ARL15: variants seen among roughly 807,000 people sequenced by gnomAD.
The protein encoded by ARL15 is ARF like GTPase 15, also known as ADP-ribosylation factor-like protein 15.
In ARL15, 19 loss-of-function variants were observed where a neutral mutation model predicts 25.2. That is an observed-to-expected ratio of 0.75 (90% CI 0.53 to 1.10). The LOEUF (loss-of-function observed/expected upper bound fraction) is 1.10, where lower values mean the gene tolerates loss of function less well. Ranked by LOEUF, ARL15 falls within the 50% of genes least tolerant of loss-of-function variation. The probability of loss-of-function intolerance (pLI) is 0.00; values close to 1 mark genes in which losing one functional copy is unlikely to be tolerated. For missense variants in ARL15, 220 were observed against 246.0 expected, an observed-to-expected ratio of 0.89 and a Z score of 0.71; for synonymous variants, 94 against 86.8, an observed-to-expected ratio of 1.08 and a Z score of -0.46.
chr5:54,185,622 G>A (rs541499415), intron 1 of ARL15, among the ~76,000 whole-genome samples: 1 of 152,198 alleles, frequency 6.6e-6, no homozygotes, highest in South Asian at 2.1e-4. Context: ...CAAACCCTAT[G>A]GCAATCAGGA....
intron 4 of ARL15, among the ~76,000 whole-genome samples, chr5:53,927,101 C>T (rs886496814): frequency 6.6e-6 from 1 of 152,168 alleles, no homozygotes; most frequent in African/African-American, 2.4e-5. Context: ...AGTACACTCA[C>T]ATTGTTGTGC....
chr5:54,198,992 A>G (rs936858093), intron 1 of ARL15, among the ~76,000 whole-genome samples: 2 of 151,704 alleles, frequency 1.3e-5, no homozygotes, highest in Non-Finnish European at 2.9e-5. Flanking sequence ...AAATAATGCC[A>G]CATATCTACA....
At chr5:53,997,235 A>G (rs1434277489) in intron 4 of ARL15, among the ~76,000 whole-genome samples, 1 of 152,154 alleles carries the variant, frequency 6.6e-6, no homozygotes, top group African/African-American at 2.4e-5. Context: ...TCCTGAGCTC[A>G]GAAGAGTTCC....
chr5:54,266,698 T>G (rs1425603845), intron 1 of ARL15, among the ~76,000 whole-genome samples: 1 of 152,162 alleles, frequency 6.6e-6, no homozygotes, highest in African/African-American at 2.4e-5. Context: ...AGTCAATTAA[T>G]CTAAAGAACA....
chr5:54,309,775 CAA>C (rs1468244600), intron 1 of ARL15, among the ~76,000 whole-genome samples: 1 of 152,202 alleles, frequency 6.6e-6, no homozygotes, highest in East Asian at 1.9e-4. Flanking sequence ...CTTCTCAGCA[CAA>C]GCCTGGCCTA....
intron 3 of ARL15, among the ~76,000 whole-genome samples, chr5:54,124,132 A>AT: frequency 6.6e-6 from 1 of 152,314 alleles, no homozygotes; most frequent in East Asian, 1.9e-4. Flanking sequence ...AGGACAGAGA[A>AT]TAGGCTACAT....
At chr5:54,068,207 G>C (rs756613498) in intron 4 of ARL15, among the ~76,000 whole-genome samples, 1 of 152,202 alleles carries the variant, frequency 6.6e-6, no homozygotes, top group Non-Finnish European at 1.5e-5. Flanking sequence ...TAGAGAAAAT[G>C]AGAGTGAAGG....
At chr5:53,894,845 G>A (rs150121792) in intron 4 of ARL15, among the ~76,000 whole-genome samples, 80 of 152,236 alleles carry the variant, frequency 5.3e-4, no homozygotes, top group African/African-American at 1.7e-3. Flanking sequence ...CAAGGGGATC[G>A]CTTATGATAT....
chr5:54,005,883 C>A (rs55754696), intron 4 of ARL15, among the ~76,000 whole-genome samples: 220 of 146,388 alleles, frequency 1.5e-3, no homozygotes, highest in East Asian at 7.5e-3. Context: ...ACCAAAAAAA[C>A]CCAAAAATAG....
intron 2 of ARL15, among the ~76,000 whole-genome samples, chr5:54,167,699 A>C (rs1754613770): frequency 1.3e-5 from 2 of 152,148 alleles, no homozygotes; most frequent in South Asian, 4.2e-4. Context: ...TAGCATGCTC[A>C]AGAGACCTTT....
chr5:54,093,392 T>G (rs1339107219), intron 4 of ARL15, among the ~76,000 whole-genome samples: 1 of 152,036 alleles, frequency 6.6e-6, no homozygotes, highest in Non-Finnish European at 1.5e-5. Flanking sequence ...CGAGAAAACT[T>G]GGGCAGCATT....
intron 2 of ARL15, among the ~76,000 whole-genome samples, chr5:54,166,807 A>T (rs1215232228): frequency 1.3e-5 from 2 of 152,126 alleles, no homozygotes; most frequent in African/African-American, 2.4e-5. Context: ...GTCAGTTCCA[A>T]TTCGATGATT....
At chr5:54,103,835 AG>A (rs755474591) in intron 4 of ARL15, among the ~76,000 whole-genome samples, 1 of 152,224 alleles carries the variant, frequency 6.6e-6, no homozygotes, top group Non-Finnish European at 1.5e-5. Flanking sequence ...CAGAGGAACA[AG>A]GCCAAAAATA....
intron 4 of ARL15, among the ~76,000 whole-genome samples, chr5:54,046,218 C>T (rs1438094772): frequency 2.6e-5 from 4 of 152,296 alleles, no homozygotes; most frequent in Non-Finnish European, 5.9e-5. Flanking sequence ...TGGTGGCTTA[C>T]ACCTGTAATC....
At chr5:54,148,820 G>T (rs760838743) in intron 3 of ARL15, among the ~76,000 whole-genome samples, 3 of 152,194 alleles carry the variant, frequency 2.0e-5, no homozygotes, top group Non-Finnish European at 2.9e-5. Flanking sequence ...CAGTTAGGGA[G>T]TATTATGATG....
chr5:54,003,578 A>C (rs1748915116), intron 4 of ARL15, among the ~76,000 whole-genome samples: 1 of 152,236 alleles, frequency 6.6e-6, no homozygotes. Flanking sequence ...TTAAGTTGCC[A>C]AAGAATTCAC....
At chr5:54,279,564 C>T (rs1241461297) in intron 1 of ARL15, among the ~76,000 whole-genome samples, 2 of 152,154 alleles carry the variant, frequency 1.3e-5, no homozygotes, top group East Asian at 1.9e-4. Context: ...TCCCAAAGGC[C>T]CCATCCCCAA....
chr5:54,207,682 G>A (rs964178845), intron 1 of ARL15, among the ~76,000 whole-genome samples: 3 of 152,174 alleles, frequency 2.0e-5, no homozygotes, highest in African/African-American at 2.4e-5. Context: ...ACAAGAAGCT[G>A]ACTCTAAACA....
intron 1 of ARL15, among the ~76,000 whole-genome samples, chr5:54,269,086 G>T (rs1408480348): frequency 6.6e-6 from 1 of 151,898 alleles, no homozygotes; most frequent in East Asian, 1.9e-4. Flanking sequence ...TAGGGGTGGG[G>T]GGTAGGGATA....
Sources: gnomAD v4.1 joint callset for allele counts (sites outside exome capture counted in the v4.1 genomes callset) on GRCh38, gnomAD v4.1.1 for gene constraint, MANE v1.5 for transcripts, NCBI Gene and HGNC (gene_info 2026-07-23, HGNC 2026-07-21) for gene names.